PCDHGC5: variants seen among roughly 807,000 people sequenced by gnomAD.
PCDHGC5 encodes the protein protocadherin gamma subfamily C, 5.
PCDHGC5 carries 25 observed loss-of-function variants against 59.0 expected under a neutral mutation model. The observed-to-expected ratio is 0.42, with a 90% CI of 0.31 to 0.59. PCDHGC5 has a LOEUF of 0.59. Ranked by LOEUF, PCDHGC5 falls within the 20% of genes least tolerant of loss-of-function variation. The probability of loss-of-function intolerance (pLI) is 0.13; values close to 1 mark genes in which losing one functional copy is unlikely to be tolerated. For missense variants in PCDHGC5, 1,067 were observed against 1,206.4 expected, an observed-to-expected ratio of 0.88 and a Z score of 1.71; for synonymous variants, 434 against 505.5, an observed-to-expected ratio of 0.86 and a Z score of 1.90.
chr5:141,501,296 C>T (rs4912760), intron 2 of PCDHGC5, among the ~76,000 whole-genome samples: 1,659 of 80,026 alleles, frequency 0.021, 16 homozygotes, highest in African/African-American at 0.042. Flanking sequence ...CTTATACACA[C>T]ACACACACAC....
rs768635851 is a variant in PCDHGC5 at position 141,489,334 on chromosome 5, C to G, written c.94C>G (p.Arg32Gly). 2 of 1,606,614 alleles carry G rather than the reference C, an allele frequency of 1.2e-6. No individual in the cohort carries two copies. Among genetic ancestry groups the G allele is most frequent in the Non-Finnish European group, 1.7e-6 (2 of 1,175,584 alleles). The change falls in exon 1 of 4, where the codon CGT becomes GGT. Residue 32 changes from arginine (R) to glycine (G), a missense_variant. Physicochemically the swap from Arg to Gly is moderately radical, Grantham distance 125 (BLOSUM62 -2). Coordinates refer to ENST00000252087, the MANE Select transcript of PCDHGC5 (RefSeq NM_018929.3). The surrounding 1 kb of genome is among the most constrained non-coding windows in gnomAD (Gnocchi z 4.5). Reference sequence around the variant, plus strand: ...CTGGGGCTGGGTGTCTGGGCAGCTTCGTTACTCAGTGGTGGAGGAGTCTGA... The same window carrying G: ...CTGGGGCTGGGTGTCTGGGCAGCTTGGTTACTCAGTGGTGGAGGAGTCTGA... ...CCWGWVSGQL[R>G]YSVVEESEPG...
In PCDHGC5 at chr5:141,490,211, ACCAGGGACAG is replaced by A. The variant is rs1259297201; in HGVS notation, c.974_983del (p.Gln325LeufsTer8). 1 of 1,614,212 alleles carries A rather than the reference ACCAGGGACAG, an allele frequency of 6.2e-7. No individual in the cohort carries two copies. ...TATGAAATTCATGCAAGAGCCCGTG[ACCAGGGACAG>A]CCTGCCATGGAGGGCCACTGTGTGA... is the stretch of plus-strand genomic sequence containing the variant. On this transcript the variant is annotated frameshift_variant, in exon 1 of 4. Transcript: ENST00000252087. LOFTEE classifies it high-confidence loss of function. The surrounding 1 kb of genome is among the most constrained non-coding windows in gnomAD (Gnocchi z 5.4).
rs187307897 is a variant in PCDHGC5 at position 141,505,900 on chromosome 5, A to G, written c.2608+419A>G. 2.6e-4 allele frequency among the ~76,000 whole-genome samples: 39 copies of G among 152,296 alleles called. 1 individual carries two copies. In the East Asian group the frequency reaches 6.8e-3, roughly 26 times the overall value. ...TGTAGAGATTAAATGAGATGATACCACAAAGCATAGAGTTCTGGGCCTGGC... is the reference window on the plus strand; with the variant it reads ...TGTAGAGATTAAATGAGATGATACCGCAAAGCATAGAGTTCTGGGCCTGGC... On this transcript the variant is annotated intron_variant, in intron 3 of 3. Transcript: ENST00000252087.
chr5:141,496,839 A>G (rs2099771783), intron 2 of PCDHGC5, among the ~76,000 whole-genome samples: 1 of 151,484 alleles, frequency 6.6e-6, no homozygotes. Flanking sequence ...CAGAACTCAT[A>G]GGCTTCCAGA....
intron 3 of PCDHGC5, among the ~76,000 whole-genome samples, chr5:141,509,064 C>T (rs890846779): frequency 6.6e-6 from 1 of 152,184 alleles, no homozygotes; most frequent in African/African-American, 2.4e-5. Flanking sequence ...AAGCTCTCAG[C>T]TCCGGGGATT....
intron 2 of PCDHGC5, among the ~76,000 whole-genome samples, chr5:141,503,744 A>G (rs1310696654): frequency 2.0e-5 from 3 of 152,112 alleles, no homozygotes; most frequent in African/African-American, 4.8e-5. Context: ...GATGGTATAG[A>G]GGTCACACAT....
chr5:141,494,537 G>C (rs2099755111), intron 1 of PCDHGC5, among the ~76,000 whole-genome samples: 1 of 152,168 alleles, frequency 6.6e-6, no homozygotes, highest in Non-Finnish European at 1.5e-5. Flanking sequence ...TGGGGGCAGG[G>C]AGGAAGGGGC....
At chr5:141,499,356 C>A (rs1472104991) in intron 2 of PCDHGC5, among the ~76,000 whole-genome samples, 1 of 152,062 alleles carries the variant, frequency 6.6e-6, no homozygotes, top group Non-Finnish European at 1.5e-5. Context: ...ATTCAACAAA[C>A]AAATAGCAAC....
rs116140192 is a variant in PCDHGC5, at chr5:141,497,400, A to C, written c.2519+2535A>C. Among the ~76,000 whole-genome samples, 87 of 152,110 alleles carry C rather than the reference A, an allele frequency of 5.7e-4. 1 individual carries two copies. Among genetic ancestry groups the C allele is most frequent in the African/African-American group, 2.0e-3 (82 of 41,484 alleles). ...GGGGTGAGCACCTTACCCCTGCCTCAACTCCCATTCCATCAAATGAGAGGC... is the reference window on the plus strand; with the variant it reads ...GGGGTGAGCACCTTACCCCTGCCTCCACTCCCATTCCATCAAATGAGAGGC... On this transcript the variant is annotated intron_variant, in intron 2 of 3. Coordinates refer to ENST00000252087, the MANE Select transcript of PCDHGC5 (RefSeq NM_018929.3).
At chr5:141,505,564 G>GGATGTCAAACCTGTGTAGTTTCTCCA in intron 3 of PCDHGC5, 83 bp downstream of exon 3, 1 of 1,603,196 alleles carries the variant, frequency 6.2e-7, no homozygotes, top group Non-Finnish European at 8.5e-7. Context: ...CCCACGGACT[G>GGATGTCAAACCTGTGTAGTTTCTCCA]GATGTCAAAC....
Position 141,491,265 on chromosome 5 carries a change from CA to C in PCDHGC5, c.2028del (p.Lys676AsnfsTer23). ...LEDEDPEEMP[K>X]SSDFLIHPPE... is the part of the protein sequence containing the mutation. ...AGGATGAGGACCCTGAGGAAATGCC[CA>C]AATCCAGTGACTTCCTCATACACCC... On this transcript the variant is annotated frameshift_variant, in exon 1 of 4. Coordinates refer to ENST00000252087, the MANE Select transcript of PCDHGC5 (RefSeq NM_018929.3). LOFTEE classifies it high-confidence loss of function. This position sits in a 1 kb window ranked among gnomAD's most constrained non-coding sequence, Gnocchi z 6.9. 1 of 1,614,074 alleles carries C rather than the reference CA, an allele frequency of 6.2e-7. No individual in the cohort carries two copies.
chr5:141,495,028 G>C, intron 2 of PCDHGC5, 163 bp downstream of exon 2: 3 of 966,196 alleles, frequency 3.1e-6, no homozygotes, highest in Non-Finnish European at 3.7e-6. Flanking sequence ...CACAGACCCC[G>C]GAAGGAAGAG....
chr5:141,490,344 AGTGGGGTTGTTTAAT>A lies in PCDHGC5; in HGVS notation c.1108_1122del (p.Gly370_Val374del). The A allele has an allele frequency of 6.2e-7, 1 of 1,614,178 alleles. No individual in the cohort carries two copies. The highest frequency in any genetic ancestry group is 8.5e-7 in the Non-Finnish European group (1 of 1,180,030). ...TAGAGAGCACACCAGTGGGCACAGT[AGTGGGGTTGTTTAAT>A]GTGCGAGACCGGGACTCAGGTAGAA... On this transcript the variant is annotated inframe_deletion, in exon 1 of 4. Coordinates refer to ENST00000252087, the MANE Select transcript of PCDHGC5 (RefSeq NM_018929.3). This position sits in a 1 kb window ranked among gnomAD's most constrained non-coding sequence, Gnocchi z 5.4.
At chr5:141,500,369 C>T (rs1034629981) in intron 2 of PCDHGC5, among the ~76,000 whole-genome samples, 4 of 151,866 alleles carry the variant, frequency 2.6e-5, no homozygotes, top group Admixed American at 6.6e-5. Flanking sequence ...CTACCACGCC[C>T]GGCTAATTAT....
Position 141,490,942 on chromosome 5 carries a change from C to T in PCDHGC5, c.1702C>T (p.Arg568Trp), listed in dbSNP as rs371286343. The change falls in exon 1 of 4, where the codon CGG (arginine) becomes TGG (tryptophan). Residue 568 changes from arginine (R) to tryptophan (W), a missense_variant. By Grantham distance (101) the Arg-to-Trp change is moderately radical (BLOSUM62 -3). Coordinates refer to ENST00000252087, the MANE Select transcript of PCDHGC5 (RefSeq NM_018929.3). This position sits in a 1 kb window ranked among gnomAD's most constrained non-coding sequence, Gnocchi z 5.4. ...NDNAPAVLHP[R>W]PDWEHSAPQR... is the part of the protein sequence containing the mutation. ...TAATGCCCCAGCTGTGCTGCACCCA[C>T]GGCCAGACTGGGAACACTCAGCCCC... 8.7e-5 allele frequency: 141 copies of T among 1,613,526 alleles called. No individual in the cohort carries two copies. Among genetic ancestry groups the T allele is most frequent in the Non-Finnish European group, 1.1e-4 (126 of 1,179,768 alleles).
In PCDHGC5 at chr5:141,511,445, A is replaced by G; in HGVS notation, c.*272A>G. ...GGTAGTGGGGTTACTGTAGACACCA[A>G]GAACCATTTGCCACACCCCGTTTAG... On this transcript the variant is annotated 3_prime_UTR_variant, in exon 4 of 4. Coordinates refer to ENST00000252087, the MANE Select transcript of PCDHGC5 (RefSeq NM_018929.3). 4.5e-6 allele frequency: 3 copies of G among 659,774 alleles called. No individual in the cohort carries two copies. Among genetic ancestry groups the G allele is most frequent in the Non-Finnish European group, 4.9e-6 (2 of 412,228 alleles). 40.9% of individuals were successfully genotyped at this position (659,774 alleles called of 1,614,324 possible). A position where few individuals can be genotyped will look rare whatever the true frequency, so the allele number is the denominator to read the frequency against.
chr5:141,490,618 A>G lies in PCDHGC5; in HGVS notation c.1378A>G (p.Thr460Ala), dbSNP rs1463273520. The change falls in exon 1 of 4, where the codon ACT (threonine) becomes GCT (alanine). Residue 460 changes from threonine (T) to alanine (A), a missense_variant. Thr to Ala is a moderately conservative substitution (Grantham distance 58, BLOSUM62 0). Transcript: ENST00000252087. The surrounding 1 kb of genome is among the most constrained non-coding windows in gnomAD (Gnocchi z 5.4). ...NAPRFNQQLY[T>A]AYILENRPPG... is the part of the protein sequence containing the mutation. ...ACCCCGCTTCAACCAGCAGCTTTAC[A>G]CTGCTTACATCCTAGAAAACCGGCC... 4.3e-6 allele frequency: 7 copies of G among 1,613,986 alleles called. No homozygotes were observed. Among genetic ancestry groups the G allele is most frequent in the Admixed American group, 1.7e-5 (1 of 59,996 alleles).
At chr5:141,505,081 G>A (rs2099843521) in intron 2 of PCDHGC5, among the ~76,000 whole-genome samples, 3 of 152,146 alleles carry the variant, frequency 2.0e-5, no homozygotes, top group Admixed American at 2.0e-4. Flanking sequence ...AGAATCGCTT[G>A]AACCCAGGAG....
In PCDHGC5 at chr5:141,511,106, G is replaced by A. The variant is rs536900646; in HGVS notation, c.2768G>A (p.Arg923Gln). 4.6e-5 allele frequency: 75 copies of A among 1,614,196 alleles called. No individual in the cohort carries two copies. In the East Asian group the frequency reaches 5.8e-4, roughly 12 times the overall value. Reference protein sequence around the residue: ...NATLTNAAGKRDGKAPAGGNG... With the variant: ...NATLTNAAGKQDGKAPAGGNG... ...ACACTGACCAACGCAGCTGGCAAGC[G>A]GGATGGCAAGGCCCCAGCAGGTGGC... The change falls in exon 4 of 4, where the codon CGG (arginine) becomes CAG (glutamine). Residue 923 changes from arginine (R) to glutamine (Q), a missense_variant. Coordinates refer to ENST00000252087, the MANE Select transcript of PCDHGC5 (RefSeq NM_018929.3).
Sources: allele counts gnomAD v4.1 joint callset (sites outside exome capture counted in the v4.1 genomes callset), GRCh38; gene constraint gnomAD v4.1.1; non-coding constraint Gnocchi (gnomAD v3.1); transcripts MANE v1.5; gene names NCBI Gene and HGNC (gene_info 2026-07-23, HGNC 2026-07-21).